Variants in PCDHGA8 observed in about 807,000 individuals in gnomAD.
PCDHGA8 encodes protocadherin gamma-A8.
In PCDHGA8, 45 loss-of-function variants were observed where a neutral mutation model predicts 59.2. The observed-to-expected ratio is 0.76, with a 90% CI of 0.60 to 0.98. The LOEUF is 0.98. Among genes scored for constraint, PCDHGA8 ranks in the 50% least tolerant of loss-of-function variants. The pLI is 0.00. For synonymous variants in PCDHGA8, 531 were observed against 519.0 expected, an observed-to-expected ratio of 1.02 and a Z score of -0.32; for missense variants, 1,257 against 1,196.2, an observed-to-expected ratio of 1.05 and a Z score of -0.75.
intron 2 of PCDHGA8, among the ~76,000 whole-genome samples, chr5:141,503,088 C>T (rs1003234288): frequency 4.0e-5 from 6 of 151,864 alleles, no homozygotes; most frequent in Admixed American, 1.3e-4. Context: ...CTCCTGACCT[C>T]GTGGTCTGCC....
intron 1 of PCDHGA8, chr5:141,421,223 C>T: frequency 6.3e-7 from 1 of 1,580,314 alleles, no homozygotes. Context: ...GGCTTAGAGC[C>T]TGCCATGGCG....
chr5:141,423,300 G>T, intron 1 of PCDHGA8: 2 of 1,614,146 alleles, frequency 1.2e-6, no homozygotes, highest in African/African-American at 1.3e-5. Context: ...CAGACCTCTC[G>T]CTGTACTTGG....
intron 1 of PCDHGA8, chr5:141,415,512 T>C (rs997659180): frequency 1.9e-6 from 3 of 1,614,234 alleles, no homozygotes; most frequent in Non-Finnish European, 2.5e-6. Context: ...AGCCCAATTA[T>C]GCGGACACGC....
intron 1 of PCDHGA8, chr5:141,421,230 G>T: frequency 6.3e-7 from 1 of 1,590,132 alleles, no homozygotes. Context: ...AGCCTGCCAT[G>T]GCGAATCGGC....
intron 1 of PCDHGA8, among the ~76,000 whole-genome samples, chr5:141,401,860 A>G (rs2094201565): frequency 6.6e-6 from 1 of 152,182 alleles, no homozygotes. Flanking sequence ...TTAACCTTTC[A>G]GTAGTTTTCT....
chr5:141,442,149 T>C, intron 1 of PCDHGA8: 1 of 159,274 alleles, frequency 6.3e-6, no homozygotes, highest in Non-Finnish European at 1.4e-5. Flanking sequence ...CTGCCAGACC[T>C]CAGCGATCAC....
Position 141,476,790 on chromosome 5 carries a change from C to T in PCDHGA8, c.2425-18017C>T. ...TTGGACGGAGGGACCCCAGCTCTCT[C>T]CGCCAGCCTGCCTATTCACATCAAG... On this transcript the variant is annotated intron_variant, in intron 1 of 3. Coordinates refer to ENST00000398604, the MANE Select transcript of PCDHGA8 (RefSeq NM_032088.2). This position sits in a 1 kb window ranked among gnomAD's most constrained non-coding sequence, Gnocchi z 7.6. 1 of 1,613,606 alleles carries T rather than the reference C, an allele frequency of 6.2e-7. No homozygotes were observed. Among genetic ancestry groups the T allele is most frequent in the South Asian group, 1.1e-5 (1 of 91,084 alleles).
intron 1 of PCDHGA8, chr5:141,475,801 A>G: frequency 3.2e-6 from 1 of 312,546 alleles, no homozygotes. Flanking sequence ...AGGAAGCCAA[A>G]GGAAAGTGAA....
intron 1 of PCDHGA8, among the ~76,000 whole-genome samples, chr5:141,466,493 A>G (rs2099123402): frequency 6.6e-6 from 1 of 152,226 alleles, no homozygotes; most frequent in South Asian, 2.1e-4. Context: ...TTCTTTAATT[A>G]GAGCACAGAC....
intron 1 of PCDHGA8, chr5:141,478,753 G>A (rs2099475642): frequency 2.0e-6 from 3 of 1,519,424 alleles, no homozygotes; most frequent in Admixed American, 2.1e-5. Context: ...ATTTCAGGGG[G>A]AAGATACTTG....
At chr5:141,430,846 C>CCA in intron 1 of PCDHGA8, 1 of 1,576,346 alleles carries the variant, frequency 6.3e-7, no homozygotes, top group Non-Finnish European at 8.6e-7. Context: ...CCGGATGCAC[C>CCA]CAGATACGCT....
chr5:141,510,069 CCAGCAGAGTGCCTGG>C (rs994886462), intron 3 of PCDHGA8, among the ~76,000 whole-genome samples: 12 of 152,260 alleles, frequency 7.9e-5, no homozygotes, highest in Admixed American at 7.8e-4. Context: ...TGTGAAGCAT[CCAGCAGAGTGCCTGG>C]CACACAGTAG....
rs764586891 is a variant in PCDHGA8, at chr5:141,477,616, A to G, written c.2425-17191A>G. On this transcript the variant is annotated intron_variant, in intron 1 of 3. Coordinates refer to ENST00000398604, the MANE Select transcript of PCDHGA8 (RefSeq NM_032088.2). This position sits in a 1 kb window ranked among gnomAD's most constrained non-coding sequence, Gnocchi z 4.9. ...TTTCTTTCTTTCTCTTGGAGCAAGGAGCTGAAACCGGGCTAGTGGGTCGCT... is the reference window on the plus strand; with the variant it reads ...TTTCTTTCTTTCTCTTGGAGCAAGGGGCTGAAACCGGGCTAGTGGGTCGCT... The G allele has an allele frequency of 1.2e-6, 2 of 1,614,068 alleles. No individual in the cohort carries two copies. Among genetic ancestry groups the G allele is most frequent in the African/African-American group, 2.7e-5 (2 of 74,924 alleles).
At position 141,431,636 on chromosome 5, in the gene PCDHGA8, A is replaced by C; in HGVS notation, c.2424+36399A>C. 1 of 1,614,254 alleles carries C rather than the reference A, an allele frequency of 6.2e-7. No individual in the cohort carries two copies. On this transcript the variant is annotated intron_variant, in intron 1 of 3. Transcript: ENST00000398604. This position sits in a 1 kb window ranked among gnomAD's most constrained non-coding sequence, Gnocchi z 4.8. ...GGACGACAAGGCGGCCCAAGTTTTC[A>C]AACTAGATTGTAATTCAGGGACAAT... is the stretch of plus-strand genomic sequence containing the variant.
intron 1 of PCDHGA8, among the ~76,000 whole-genome samples, chr5:141,451,032 A>G: frequency 6.6e-6 from 1 of 150,486 alleles, no homozygotes; most frequent in Non-Finnish European, 1.5e-5. Context: ...GTTTCACCAT[A>G]TTGGCCAGGC....
chr5:141,415,744 T>TTTTTG, intron 1 of PCDHGA8: 1 of 404,416 alleles, frequency 2.5e-6, no homozygotes, highest in Non-Finnish European at 3.0e-6. Context: ...ATTAAGGTTT[T>TTTTTG]TTTTTTTTTT....
rs1430647254 is a variant in PCDHGA8 at position 141,477,750 on chromosome 5, C to T, written c.2425-17057C>T. On this transcript the variant is annotated intron_variant, in intron 1 of 3. Coordinates refer to ENST00000398604, the MANE Select transcript of PCDHGA8 (RefSeq NM_032088.2). This position sits in a 1 kb window ranked among gnomAD's most constrained non-coding sequence, Gnocchi z 4.9. ...GCTCATATCAGCGATGGGGGCACCC[C>T]GGTCCTAGCCACCAACATCAGCGTG... 8 of 1,613,772 alleles carry T rather than the reference C, an allele frequency of 5.0e-6. No individual in the cohort carries two copies. Among genetic ancestry groups the T allele is most frequent in the East Asian group, 2.2e-5 (1 of 44,890 alleles).
At chr5:141,451,193 A>T (rs2098710240) in intron 1 of PCDHGA8, among the ~76,000 whole-genome samples, 1 of 152,208 alleles carries the variant, frequency 6.6e-6, no homozygotes, top group Non-Finnish European at 1.5e-5. Context: ...TGTGTAACAA[A>T]TTATCCCAAA....
chr5:141,489,571 G>A lies in PCDHGA8; in HGVS notation c.2425-5236G>A, dbSNP rs1206848223. The A allele has an allele frequency of 1.9e-6, 3 of 1,613,884 alleles. No individual in the cohort carries two copies. The highest frequency in any genetic ancestry group is 2.2e-5 in the South Asian group (2 of 91,070). On this transcript the variant is annotated intron_variant, in intron 1 of 3. Transcript: ENST00000398604. The surrounding 1 kb of genome is among the most constrained non-coding windows in gnomAD (Gnocchi z 4.5). ...CCTGCTGCCAGTGCAGGTGGTGACT[G>A]AACACCCCCTGGAGCTAATCCGTGT...
Sources: allele counts gnomAD v4.1 joint callset (sites outside exome capture counted in the v4.1 genomes callset), GRCh38; gene constraint gnomAD v4.1.1; non-coding constraint Gnocchi (gnomAD v3.1); transcripts MANE v1.5; gene names NCBI Gene and HGNC (gene_info 2026-07-23, HGNC 2026-07-21).